The following MBD5 variants were observed in gnomAD, a reference collection of about 807,000 sequenced individuals.
MBD5 encodes methyl-CpG binding domain protein 5, also known as methyl-CpG-binding domain protein 5.
In MBD5, 13 loss-of-function variants were observed where a neutral mutation model predicts 117.3. The observed-to-expected ratio is 0.11, with a 90% CI of 0.07 to 0.18. MBD5 has a LOEUF of 0.18. MBD5 is among the 10% of genes least tolerant of loss of function. The pLI is 1.00. For missense variants in MBD5, 1,879 were observed against 2,093.8 expected (o/e 0.90, Z 2.00); for synonymous variants, 727 against 766.4 (o/e 0.95, Z 0.85).
intron 2 of MBD5, among the ~76,000 whole-genome samples, chr2:148,205,223 A>G (rs1217862214): frequency 6.6e-6 from 1 of 151,296 alleles, no homozygotes. Context: ...GATTACAGGC[A>G]CCCCCCACCA....
rs143115647 is a variant in MBD5, at chr2:148,307,482, C to G, written c.-679-34732C>G. ...ACATCCTAAAACAACAGTCATCTTACTGTAGTAGAAAACTCCCTTTTTCCT... is the reference window on the plus strand; with the variant it reads ...ACATCCTAAAACAACAGTCATCTTAGTGTAGTAGAAAACTCCCTTTTTCCT... On this transcript the variant is annotated intron_variant, in intron 3 of 13. Coordinates refer to ENST00000642680, the MANE Select transcript of MBD5 (RefSeq NM_001378120.1). 5.0e-4 allele frequency among the ~76,000 whole-genome samples: 21 copies of G among 42,204 alleles called. No individual in the cohort carries two copies. In the East Asian group the frequency reaches 0.02, roughly 40 times the overall value. The allele number at this position is 42,204 out of a possible 152,430, so 27.7% of individuals were successfully genotyped here. A position where few individuals can be genotyped will look rare whatever the true frequency, so the allele number is the denominator to read the frequency against.
chr2:148,219,007 C>A (rs1434706621), intron 2 of MBD5, among the ~76,000 whole-genome samples: 2 of 152,102 alleles, frequency 1.3e-5, no homozygotes, highest in Non-Finnish European at 2.9e-5. Context: ...TTTACTGTAA[C>A]TTTTACTTTA....
chr2:148,169,728 C>A (rs1698213025), intron 1 of MBD5, among the ~76,000 whole-genome samples: 1 of 152,096 alleles, frequency 6.6e-6, no homozygotes, highest in South Asian at 2.1e-4. Flanking sequence ...TCACAGAGAT[C>A]TTTAGATTCT....
intron 4 of MBD5, among the ~76,000 whole-genome samples, chr2:148,440,743 T>G (rs905616978): frequency 9.2e-5 from 14 of 152,198 alleles, no homozygotes; most frequent in Admixed American, 6.5e-5. Context: ...GTTTGGCAAG[T>G]GCCGTAACAT....
intron 3 of MBD5, among the ~76,000 whole-genome samples, chr2:148,271,023 C>T (rs1198278578): frequency 6.6e-6 from 1 of 152,126 alleles, no homozygotes; most frequent in Non-Finnish European, 1.5e-5. Flanking sequence ...AATATGAGCT[C>T]AGCCTCATAT....
Position 148,373,965 on chromosome 2 carries a change from G to A in MBD5, c.-557+31629G>A, listed in dbSNP as rs527372100. On this transcript the variant is annotated intron_variant, in intron 4 of 13. Coordinates refer to ENST00000642680, the MANE Select transcript of MBD5 (RefSeq NM_001378120.1). ...AAAATGCCCCAAAATCAGAAACTTA[G>A]CCCAATATAAGGCTCAAAGGAAATG... Among the ~76,000 whole-genome samples, 5 of 152,080 alleles carry A rather than the reference G, an allele frequency of 3.3e-5. No individual in the cohort carries two copies. In the East Asian group the frequency reaches 9.7e-4, roughly 29 times the overall value.
At position 148,416,205 on chromosome 2, in the gene MBD5, T is replaced by C. The variant is rs532804694; in HGVS notation, c.-556-41998T>C. Among the ~76,000 whole-genome samples, 198 of 152,312 alleles carry C rather than the reference T, an allele frequency of 1.3e-3. 1 individual carries two copies. Among genetic ancestry groups the C allele is most frequent in the Non-Finnish European group, 2.5e-3 (167 of 68,022 alleles). On this transcript the variant is annotated intron_variant, in intron 4 of 13. Transcript: ENST00000642680. ...AGGTGGGTTCAGTTGATTGGCTTTG[T>C]TTCTGGAAGATTTTAGGGGACCAAG...
intron 4 of MBD5, among the ~76,000 whole-genome samples, chr2:148,452,928 CA>C (rs1706771982): frequency 6.6e-6 from 1 of 152,126 alleles, no homozygotes; most frequent in Admixed American, 6.6e-5. Context: ...TCATTTTAGA[CA>C]TGTGTTGCTA....
rs772127604 is a variant in MBD5, at chr2:148,469,854, G to A, written c.1911G>A (p.Gly637=). ...ACATGCTTCTCCCAACAGGTGAAGG[G>A]CAAAGTGGTCGAGCAGCACTAAGAG... is the stretch of plus-strand genomic sequence containing the variant. The part of the protein sequence containing the change: ...TANMLLPTGE[G]QSGRAALRDK... The change falls in exon 8 of 14, where the codon GGG becomes GGA. Residue 637 remains glycine, a synonymous_variant. Transcript: ENST00000642680. 3 of 1,613,920 alleles carry A rather than the reference G, an allele frequency of 1.9e-6. No individual in the cohort carries two copies. Among genetic ancestry groups the A allele is most frequent in the South Asian group, 2.2e-5 (2 of 91,080 alleles).
At chr2:148,218,541 G>C (rs936294470) in intron 2 of MBD5, among the ~76,000 whole-genome samples, 1 of 152,142 alleles carries the variant, frequency 6.6e-6, no homozygotes, top group Admixed American at 6.5e-5. Context: ...GTCATGCATC[G>C]CTTAATGACA....
chr2:148,238,841 A>G (rs1297396411), intron 3 of MBD5, among the ~76,000 whole-genome samples: 1 of 151,998 alleles, frequency 6.6e-6, no homozygotes, highest in Non-Finnish European at 1.5e-5. Context: ...TGCTCTTCTT[A>G]TAAGGATTGG....
chr2:148,120,432 T>C (rs1227207000), intron 1 of MBD5, among the ~76,000 whole-genome samples: 1 of 152,218 alleles, frequency 6.6e-6, no homozygotes. Context: ...AAATGTAACA[T>C]GTCTTTTCAT....
chr2:148,155,098 G>A (rs1697834787), intron 1 of MBD5, among the ~76,000 whole-genome samples: 1 of 152,208 alleles, frequency 6.6e-6, no homozygotes, highest in African/African-American at 2.4e-5. Flanking sequence ...AAAATATGTT[G>A]TGTGTCTGAT....
At chr2:148,151,212 G>C (rs1000683210) in intron 1 of MBD5, among the ~76,000 whole-genome samples, 4 of 151,972 alleles carry the variant, frequency 2.6e-5, no homozygotes, top group African/African-American at 9.7e-5. Flanking sequence ...TGTGGTTTTT[G>C]TCTTTGGCTC....
intron 1 of MBD5, among the ~76,000 whole-genome samples, chr2:148,166,879 A>ATTTT (rs569250084): frequency 6.7e-6 from 1 of 150,114 alleles, no homozygotes; most frequent in Admixed American, 6.6e-5. Context: ...TACTAATTGC[A>ATTTT]TTTTTTTTTG....
chr2:148,304,925 C>T (rs1701855535), intron 3 of MBD5, among the ~76,000 whole-genome samples: 1 of 151,844 alleles, frequency 6.6e-6, no homozygotes, highest in African/African-American at 2.4e-5. Flanking sequence ...ATTAGCCGGG[C>T]GTAGTGGCGG....
In MBD5 at chr2:148,099,228, A is replaced by G. The variant is rs528679187; in HGVS notation, c.-925+77544A>G. 3.4e-4 allele frequency among the ~76,000 whole-genome samples: 52 copies of G among 152,308 alleles called. 1 individual carries two copies. The highest frequency in any genetic ancestry group is 1.5e-3 in the Admixed American group (23 of 15,296). On this transcript the variant is annotated intron_variant, in intron 1 of 13. Transcript: ENST00000642680. ...AGTAATGAACTTACTTATAATTAGT[A>G]TTGAGGAATGGAAGTAAAAACTTAC...
intron 1 of MBD5, among the ~76,000 whole-genome samples, chr2:148,060,159 A>AAAAC (rs1204737069): frequency 6.8e-6 from 1 of 147,936 alleles, no homozygotes; most frequent in African/African-American, 2.5e-5. Flanking sequence ...AAAAAAAAAA[A>AAAAC]AAAGCCAGGC....
chr2:148,145,877 G>C (rs574086322), intron 1 of MBD5, among the ~76,000 whole-genome samples: 1 of 152,024 alleles, frequency 6.6e-6, no homozygotes, highest in African/African-American at 2.4e-5. Flanking sequence ...TTTTTGCATC[G>C]ATGTTCATCA....
Sources: gnomAD v4.1 joint callset for allele counts (sites outside exome capture counted in the v4.1 genomes callset) on GRCh38, gnomAD v4.1.1 for gene constraint, MANE v1.5 for transcripts, NCBI Gene and HGNC (gene_info 2026-07-23, HGNC 2026-07-21) for gene names.